PRKCE: variants seen among roughly 807,000 people sequenced by gnomAD.
PRKCE encodes protein kinase C epsilon.
Under a neutral mutation model 85.4 loss-of-function variants are expected in PRKCE, and 16 were observed. The ratio of observed to expected loss-of-function variants is 0.19; its 90% CI spans 0.13 to 0.28. PRKCE has a LOEUF of 0.28. Ranked by LOEUF, PRKCE falls within the 10% of genes least tolerant of loss-of-function variation. The pLI is 1.00. For synonymous variants in PRKCE, 388 were observed against 371.5 expected (o/e 1.04, Z -0.51); for missense variants, 573 against 975.2 (o/e 0.59, Z 5.49).
intron 1 of PRKCE, among the ~76,000 whole-genome samples, chr2:45,733,634 A>T (rs1681780553): frequency 6.6e-6 from 1 of 152,062 alleles, no homozygotes; most frequent in Admixed American, 6.5e-5. Context: ...GACTTGAAGG[A>T]GGTCATGGAG....
At chr2:45,693,119 G>A (rs1572961734) in intron 1 of PRKCE, among the ~76,000 whole-genome samples, 2 of 152,110 alleles carry the variant, frequency 1.3e-5, no homozygotes, top group South Asian at 2.1e-4. Context: ...GCGGGGTAGG[G>A]GAGTGAAGTA....
intron 1 of PRKCE, among the ~76,000 whole-genome samples, chr2:45,785,328 T>G (rs1225408847): frequency 6.6e-6 from 1 of 152,010 alleles, no homozygotes; most frequent in Non-Finnish European, 1.5e-5. Flanking sequence ...CTGTCTCTAC[T>G]AAAATTACAA....
chr2:45,943,833 T>G (rs1700050485), intron 2 of PRKCE, among the ~76,000 whole-genome samples: 1 of 152,220 alleles, frequency 6.6e-6, no homozygotes, highest in African/African-American at 2.4e-5. Context: ...CTGTGTTAAG[T>G]AAACAAAGGT....
At chr2:45,826,894 C>A (rs1689983851) in intron 1 of PRKCE, among the ~76,000 whole-genome samples, 1 of 152,224 alleles carries the variant, frequency 6.6e-6, no homozygotes, top group Non-Finnish European at 1.5e-5. Context: ...CTACCACCAC[C>A]CCTTCCCAGC....
chr2:45,686,419 G>A (rs957230622), intron 1 of PRKCE: 5 of 152,122 alleles, frequency 3.3e-5, no homozygotes, highest in Non-Finnish European at 7.4e-5. Context: ...GATGCACTTG[G>A]ACAAAAGAGA....
At chr2:45,752,038 C>G (rs1244796486) in intron 1 of PRKCE, among the ~76,000 whole-genome samples, 1 of 150,294 alleles carries the variant, frequency 6.7e-6, no homozygotes. Flanking sequence ...GGGATGGTCT[C>G]GATCTGCTGA....
chr2:45,920,295 G>A (rs772448297), intron 2 of PRKCE, among the ~76,000 whole-genome samples: 1 of 152,174 alleles, frequency 6.6e-6, no homozygotes, highest in Non-Finnish European at 1.5e-5. Flanking sequence ...CTTTCTAACT[G>A]CCCACTCAGT....
At chr2:46,144,999 G>T in intron 11 of PRKCE, 94 bp from the exon 12 acceptor site, 2 of 1,540,604 alleles carry the variant, frequency 1.3e-6, no homozygotes, top group Non-Finnish European at 1.8e-6. Context: ...TTTTTTGCTG[G>T]AGATTTCCCT....
chr2:46,123,548 G>C (rs946067047), intron 11 of PRKCE, among the ~76,000 whole-genome samples: 1 of 152,140 alleles, frequency 6.6e-6, no homozygotes, highest in Non-Finnish European at 1.5e-5. Flanking sequence ...GAGTGCAGTG[G>C]CATGATCTGA....
chr2:45,945,496 G>A, intron 2 of PRKCE, among the ~76,000 whole-genome samples: 1 of 152,106 alleles, frequency 6.6e-6, no homozygotes, highest in East Asian at 1.9e-4. Context: ...CTCCCACCAG[G>A]TCCCACCTCC....
intron 2 of PRKCE, among the ~76,000 whole-genome samples, chr2:45,914,962 C>T (rs546775425): frequency 1.3e-5 from 2 of 152,214 alleles, no homozygotes; most frequent in Non-Finnish European, 2.9e-5. Flanking sequence ...TTGTTTGAGA[C>T]AAGAGTCTCT....
intron 10 of PRKCE, among the ~76,000 whole-genome samples, chr2:46,061,458 G>A (rs911789810): frequency 8.6e-5 from 13 of 151,476 alleles, no homozygotes; most frequent in Non-Finnish European, 1.6e-4. Context: ...TTTAGTTATC[G>A]TTGTTTTCTC....
In PRKCE at chr2:46,165,408, G is replaced by A. The variant is rs555454214; in HGVS notation, c.2067+5656G>A. Among the ~76,000 whole-genome samples, 3 of 152,322 alleles carry A rather than the reference G, an allele frequency of 2.0e-5. No individual in the cohort carries two copies. The South Asian group carries it at 6.2e-4, about 32-fold the overall frequency. ...CGGGGGTGGCTTGCTTCAGAGCAAG[G>A]ACACACAGTGGGGGGCTGTTTGGTG... On this transcript the variant is annotated intron_variant, in intron 14 of 14. Coordinates refer to ENST00000306156, the MANE Select transcript of PRKCE (RefSeq NM_005400.3).
chr2:45,708,574 C>CT (rs970627956), intron 1 of PRKCE, among the ~76,000 whole-genome samples: 36 of 152,346 alleles, frequency 2.4e-4, no homozygotes, highest in African/African-American at 8.4e-4. Context: ...TGCCTTCCAC[C>CT]ATGATGGTGA....
chr2:45,679,950 A>G (rs921636793), intron 1 of PRKCE, among the ~76,000 whole-genome samples: 2 of 152,224 alleles, frequency 1.3e-5, no homozygotes, highest in Non-Finnish European at 1.5e-5. Flanking sequence ...CCCTGTCTCC[A>G]TAATTTTATT....
At chr2:45,967,854 C>T (rs1164294851) in intron 2 of PRKCE, among the ~76,000 whole-genome samples, 1 of 152,062 alleles carries the variant, frequency 6.6e-6, no homozygotes, top group Non-Finnish European at 1.5e-5. Flanking sequence ...GGATATGAGG[C>T]AGGTTTTGGG....
chr2:45,757,957 G>C (rs915362748), intron 1 of PRKCE, among the ~76,000 whole-genome samples: 1 of 152,196 alleles, frequency 6.6e-6, no homozygotes, highest in African/African-American at 2.4e-5. Context: ...GCAGATGTAG[G>C]ATCCAAGTGA....
chr2:46,154,099 T>C (rs1676948608), intron 13 of PRKCE, among the ~76,000 whole-genome samples: 1 of 152,122 alleles, frequency 6.6e-6, no homozygotes, highest in Non-Finnish European at 1.5e-5. Context: ...TATGCAGGGC[T>C]TCTTATGCCA....
chr2:45,744,291 G>A (rs1435642820), intron 1 of PRKCE, among the ~76,000 whole-genome samples: 1 of 152,086 alleles, frequency 6.6e-6, no homozygotes, highest in African/African-American at 2.4e-5. Flanking sequence ...GTGTGTGTAG[G>A]TATTGTTTTC....
Sources: allele counts gnomAD v4.1 joint callset (sites outside exome capture counted in the v4.1 genomes callset), GRCh38; gene constraint gnomAD v4.1.1; transcripts MANE v1.5; gene names NCBI Gene and HGNC (gene_info 2026-07-23, HGNC 2026-07-21).